ELP4: variants seen among roughly 807,000 people sequenced by gnomAD.
ELP4 encodes elongator complex protein 4.
ELP4 carries 51 observed loss-of-function variants against 48.9 expected under a neutral mutation model. That is an observed-to-expected ratio of 1.04 (90% CI 0.83 to 1.32). The LOEUF (loss-of-function observed/expected upper bound fraction) is 1.32. ELP4 is among the 40% of genes most tolerant of loss of function. The pLI is 0.00. For synonymous variants in ELP4, 210 were observed against 189.2 expected (o/e 1.11, Z -0.90); for missense variants, 519 against 514.6 (o/e 1.01, Z -0.08).
At chr11:31,707,963 C>T (rs997937167) in intron 9 of ELP4, among the ~76,000 whole-genome samples, 3 of 152,124 alleles carry the variant, frequency 2.0e-5, no homozygotes, top group African/African-American at 7.2e-5. Context: ...GAAAAGTCCT[C>T]CTTGCTATGT....
At chr11:31,692,853 A>G (rs966697125) in intron 9 of ELP4, among the ~76,000 whole-genome samples, 8 of 151,994 alleles carry the variant, frequency 5.3e-5, no homozygotes, top group Non-Finnish European at 8.8e-5. Context: ...CAGGGCTTCT[A>G]TGATCCACAC....
chr11:31,747,033 C>CTGTGTGTGTGTG (rs34776621), intron 9 of ELP4, among the ~76,000 whole-genome samples: 10 of 149,954 alleles, frequency 6.7e-5, no homozygotes, highest in African/African-American at 2.4e-4. Context: ...CAGACTAACA[C>CTGTGTGTGTGTG]TGTGTGTGTG....
In ELP4 at chr11:31,651,429, G is replaced by C. The variant is rs373000768; in HGVS notation, c.1143+1208G>C. The C allele has an allele frequency of 2.6e-5, 4 of 151,796 alleles. No homozygotes were observed. The East Asian group carries it at 7.8e-4, about 30-fold the overall frequency. The allele number at this position is 151,796 out of a possible 1,614,324, so 9.4% of individuals were successfully genotyped here. On this transcript the variant is annotated intron_variant, in intron 9 of 9. Coordinates refer to ENST00000640961, the MANE Select transcript of ELP4 (RefSeq NM_019040.5). Reference sequence around the variant, plus strand: ...CAGGAGTGTTAGAAGTTTCTCATCTGGGGACACTCCCTTCAAAAGCCACTT... The same window carrying C: ...CAGGAGTGTTAGAAGTTTCTCATCTCGGGACACTCCCTTCAAAAGCCACTT...
chr11:31,604,008 C>A, intron 5 of ELP4, 101 bp downstream of exon 5: 1 of 824,376 alleles, frequency 1.2e-6, no homozygotes, highest in Non-Finnish European at 1.8e-6. Context: ...GGGTAAATAT[C>A]ATAATAATAA....
intron 9 of ELP4, among the ~76,000 whole-genome samples, chr11:31,667,049 T>A (rs778934605): frequency 6.6e-6 from 1 of 152,164 alleles, no homozygotes; most frequent in Admixed American, 6.5e-5. Context: ...TTGAGGTTAT[T>A]TAAACAAAGG....
chr11:31,748,554 G>A lies in ELP4; in HGVS notation c.1144-34839G>A, dbSNP rs532984276. ...GCCACCACACCTGGTCGTAAACCAAGGTCTTATAGCATAGATTTCTACTTG... is the reference window on the plus strand; with the variant it reads ...GCCACCACACCTGGTCGTAAACCAAAGTCTTATAGCATAGATTTCTACTTG... On this transcript the variant is annotated intron_variant, in intron 9 of 9. Transcript: ENST00000640961. Among the ~76,000 whole-genome samples, 137 of 151,938 alleles carry A rather than the reference G, an allele frequency of 9.0e-4. 2 individuals are homozygous for A. The highest frequency in any genetic ancestry group is 9.0e-3 in the Admixed American group (137 of 15,260).
rs535780580 is a variant in ELP4 at position 31,575,047 on chromosome 11, G to A, written c.382-19723G>A. Among the ~76,000 whole-genome samples, 46 of 152,266 alleles carry A rather than the reference G, an allele frequency of 3.0e-4. No individual in the cohort carries two copies. The East Asian group carries it at 8.1e-3, about 27-fold the overall frequency. ...AAAGAAGCTAAAAACCTTGAAAAAAGATTAGACGAATGGCTAACTAGAATA... is the reference window on the plus strand; with the variant it reads ...AAAGAAGCTAAAAACCTTGAAAAAAAATTAGACGAATGGCTAACTAGAATA... On this transcript the variant is annotated intron_variant, in intron 3 of 9. Coordinates refer to ENST00000640961, the MANE Select transcript of ELP4 (RefSeq NM_019040.5).
chr11:31,745,763 T>C (rs937118225), intron 9 of ELP4, among the ~76,000 whole-genome samples: 10 of 152,166 alleles, frequency 6.6e-5, no homozygotes, highest in African/African-American at 2.2e-4. Flanking sequence ...AAGACTTAAA[T>C]GTTAGATCTA....
chr11:31,548,384 A>G (rs1458818484), intron 3 of ELP4, among the ~76,000 whole-genome samples: 2 of 151,218 alleles, frequency 1.3e-5, no homozygotes, highest in Non-Finnish European at 3.0e-5. Flanking sequence ...TCCCATTCAC[A>G]ATTGCTTCAA....
chr11:31,654,720 T>A (rs1316241423), intron 9 of ELP4: 1 of 151,850 alleles, frequency 6.6e-6, no homozygotes, highest in Non-Finnish European at 1.5e-5. Flanking sequence ...TTTCATGATA[T>A]GTTTGGTCCT....
chr11:31,627,398 G>A (rs180675520), intron 6 of ELP4, among the ~76,000 whole-genome samples: 2 of 152,106 alleles, frequency 1.3e-5, no homozygotes, highest in African/African-American at 2.4e-5. Context: ...TAAGTTCTCA[G>A]TGGAGGCACA....
intron 3 of ELP4, among the ~76,000 whole-genome samples, chr11:31,550,796 A>G (rs1261727702): frequency 6.6e-6 from 1 of 152,168 alleles, no homozygotes; most frequent in African/African-American, 2.4e-5. Flanking sequence ...ACATTTCTCA[A>G]AACAGTCATA....
chr11:31,779,186 C>G (rs1948314099), intron 9 of ELP4, among the ~76,000 whole-genome samples: 1 of 152,178 alleles, frequency 6.6e-6, no homozygotes, highest in African/African-American at 2.4e-5. Context: ...TGCTAAGGGT[C>G]AAAGTATACT....
chr11:31,764,768 G>A (rs183750416), intron 9 of ELP4, among the ~76,000 whole-genome samples: 1 of 152,242 alleles, frequency 6.6e-6, no homozygotes, highest in Non-Finnish European at 1.5e-5. Flanking sequence ...TAGTTTTGTA[G>A]AACTTCCATT....
chr11:31,563,353 G>A (rs1404381128), intron 3 of ELP4, among the ~76,000 whole-genome samples: 5 of 152,042 alleles, frequency 3.3e-5, no homozygotes, highest in Non-Finnish European at 7.4e-5. Context: ...ATGCCCTAGA[G>A]AACATAAAAA....
chr11:31,731,371 C>G (rs1186221240), intron 9 of ELP4, among the ~76,000 whole-genome samples: 1 of 151,870 alleles, frequency 6.6e-6, no homozygotes, highest in African/African-American at 2.4e-5. Flanking sequence ...ATAAAAGAAC[C>G]AAACAAAGTT....
chr11:31,694,046 T>C (rs1293164668), intron 9 of ELP4, among the ~76,000 whole-genome samples: 1 of 152,228 alleles, frequency 6.6e-6, no homozygotes, highest in Non-Finnish European at 1.5e-5. Context: ...GAGTTCTTTG[T>C]AGATTCTGGA....
chr11:31,757,921 A>T (rs573461266), intron 9 of ELP4, among the ~76,000 whole-genome samples: 1 of 152,210 alleles, frequency 6.6e-6, no homozygotes, highest in Non-Finnish European at 1.5e-5. Context: ...TACAAAATAT[A>T]CTTAACATTG....
At chr11:31,683,728 A>G (rs938535993) in intron 9 of ELP4, among the ~76,000 whole-genome samples, 5 of 152,230 alleles carry the variant, frequency 3.3e-5, no homozygotes, top group East Asian at 1.9e-4. Flanking sequence ...TTTCTATTTT[A>G]AAGAATTCAC....
Sources: allele counts gnomAD v4.1 joint callset (sites outside exome capture counted in the v4.1 genomes callset), GRCh38; gene constraint gnomAD v4.1.1; transcripts MANE v1.5; gene names NCBI Gene and HGNC (gene_info 2026-07-23, HGNC 2026-07-21).